Variants in ECE1 observed in about 807,000 individuals in gnomAD.
ECE1 encodes the protein endothelin-converting enzyme 1.
ECE1 carries 35 observed loss-of-function variants against 98.6 expected under a neutral mutation model. The ratio of observed to expected loss-of-function variants is 0.35; its 90% confidence interval spans 0.27 to 0.47. The LOEUF (loss-of-function observed/expected upper bound fraction) is 0.47, where lower values mean the gene tolerates loss of function less well. Among genes scored for constraint, ECE1 ranks in the 20% least tolerant of loss-of-function variants. The pLI, the probability that ECE1 is intolerant of heterozygous loss-of-function variation, is 1.00. For missense variants in ECE1, 814 were observed against 1,025.3 expected, an observed-to-expected ratio of 0.79 and a Z score of 2.81; for synonymous variants, 394 against 407.1, an observed-to-expected ratio of 0.97 and a Z score of 0.39.
At chr1:21,236,186 C>T (rs926571041) in intron 12 of ECE1, among the ~76,000 whole-genome samples, 23 of 152,290 alleles carry the variant, frequency 1.5e-4, no homozygotes, top group African/African-American at 4.6e-4. Flanking sequence ...AGAGCCTTCC[C>T]GACCCACGGG....
chr1:21,288,823 G>A (rs529422142), intron 2 of ECE1, among the ~76,000 whole-genome samples: 4 of 152,274 alleles, frequency 2.6e-5, no homozygotes, highest in African/African-American at 4.8e-5. Flanking sequence ...CTCGGTGACC[G>A]AAGGCCAGTG....
chr1:21,319,072 C>T lies in ECE1; in HGVS notation c.3+26304G>A, dbSNP rs1638904607. Among the ~76,000 whole-genome samples, 1 of 152,188 alleles carries T rather than the reference C, an allele frequency of 6.6e-6. No individual in the cohort carries two copies. The highest frequency in any genetic ancestry group is 1.5e-5 in the Non-Finnish European group (1 of 68,026). ...CAAAATAATAAAGTGAGGCCAGGCACGGTGGCTCAAGCTCGTAATCCAAGC... is the reference window on the plus strand; with the variant it reads ...CAAAATAATAAAGTGAGGCCAGGCATGGTGGCTCAAGCTCGTAATCCAAGC... On this transcript the variant is annotated intron_variant, in intron 1 of 18. Coordinates refer to the ECE1 transcript ENST00000415912. This position sits in a 1 kb window ranked among gnomAD's most constrained non-coding sequence, Gnocchi z 4.4.
At chr1:21,285,851 G>A (rs921723385) in intron 2 of ECE1, among the ~76,000 whole-genome samples, 3 of 151,976 alleles carry the variant, frequency 2.0e-5, no homozygotes, top group Admixed American at 2.0e-4. Context: ...AATTAGTCAC[G>A]CATGGTGGCG....
At chr1:21,305,187 A>T (rs1278553400) in intron 1 of ECE1, among the ~76,000 whole-genome samples, 2 of 152,226 alleles carry the variant, frequency 1.3e-5, no homozygotes, top group African/African-American at 4.8e-5. Flanking sequence ...CAGCATAGAC[A>T]CAGGCCGTTT....
At chr1:21,247,514 G>A (rs28367998) in intron 8 of ECE1, 151 bp from the exon 9 acceptor site, 31 of 1,173,842 alleles carry the variant, frequency 2.6e-5, no homozygotes, top group Non-Finnish European at 3.2e-5. Flanking sequence ...GGAGCCTGGC[G>A]GGCTTTTGTC....
chr1:21,296,592 C>T (rs1281290072), intron 1 of ECE1, among the ~76,000 whole-genome samples: 1 of 152,118 alleles, frequency 6.6e-6, no homozygotes, highest in Non-Finnish European at 1.5e-5. Context: ...TGACATTGCC[C>T]AGTTCTCAAG....
intron 1 of ECE1, chr1:21,298,999 T>C: frequency 2.5e-6 from 1 of 406,592 alleles, no homozygotes; most frequent in South Asian, 1.7e-5. Flanking sequence ...TGTGATGTCC[T>C]GGACTGTGTG....
chr1:21,323,291 C>CG (rs1347529375), intron 1 of ECE1, among the ~76,000 whole-genome samples: 1 of 152,028 alleles, frequency 6.6e-6, no homozygotes, highest in Non-Finnish European at 1.5e-5. Flanking sequence ...CTGGAACCGG[C>CG]GGGGGGAGGG....
rs777581287 is a variant in ECE1, at chr1:21,260,324, C to T, written c.562G>A (p.Glu188Lys). 16 of 1,614,142 alleles carry T rather than the reference C, an allele frequency of 9.9e-6. 1 individual carries two copies. Among genetic ancestry groups the T allele is most frequent in the African/African-American group, 8.0e-5 (6 of 74,950 alleles). ...AQVYYRACMN[E>K]TRIEELRAKP... ...GCCCTGAGCTCCTCGATCCTGGTCT[C>T]GTTCATGCACGCACGGTAGTATACT... The change falls in exon 5 of 19, where the codon GAG becomes AAG. Residue 188 changes from glutamate to lysine, a missense_variant. Around this residue, in one of 3 missense-constraint regions of ECE1, gnomAD observed 257 missense variants for 278.9 expected, o/e 0.92. Transcript: ENST00000374893. The surrounding 1 kb of genome is among the most constrained non-coding windows in gnomAD (Gnocchi z 4.3).
intron 4 of ECE1, among the ~76,000 whole-genome samples, chr1:21,264,564 C>G (rs1354161885): frequency 6.6e-6 from 1 of 152,186 alleles, no homozygotes; most frequent in African/African-American, 2.4e-5. Flanking sequence ...GTCTGCCTGT[C>G]TCGGCCTCCC....
At chr1:21,317,882 G>A (rs1028050932) in intron 1 of ECE1, among the ~76,000 whole-genome samples, 16 of 152,328 alleles carry the variant, frequency 1.1e-4, no homozygotes, top group African/African-American at 3.8e-4. Context: ...CGAAGGTGTG[G>A]GGTGCCAGTG....
In ECE1 at chr1:21,345,187, C is replaced by G. The variant is rs1639474867; in HGVS notation, c.3+189G>C. Reference sequence around the variant, plus strand: ...CCGACGGGACCAAGCGCAGCGCCGCCGGGAGAGCCGCGCTCTGCCCGGGCG... The same window carrying G: ...CCGACGGGACCAAGCGCAGCGCCGCGGGGAGAGCCGCGCTCTGCCCGGGCG... On this transcript the variant is annotated intron_variant, in intron 1 of 18. Transcript: ENST00000415912. This position sits in a 1 kb window ranked among gnomAD's most constrained non-coding sequence, Gnocchi z 5.1. The G allele has an allele frequency of 1.3e-6, 1 of 749,110 alleles. No homozygotes were observed. The allele number at this position is 749,110 out of a possible 1,614,324, so 46.4% of individuals were successfully genotyped here.
intron 11 of ECE1, 58 bp from the exon 12 acceptor site, chr1:21,236,902 C>G: frequency 1.4e-6 from 2 of 1,456,194 alleles, no homozygotes; most frequent in East Asian, 2.3e-5. Flanking sequence ...GTAAATGCAA[C>G]AGGCACCCCG....
chr1:21,285,747 T>G (rs902433162), intron 2 of ECE1, among the ~76,000 whole-genome samples: 1 of 145,746 alleles, frequency 6.9e-6, no homozygotes, highest in Non-Finnish European at 1.5e-5. Flanking sequence ...ATCCCAGCAC[T>G]TTGGAAGGCC....
At chr1:21,275,291 AG>A (rs1215845292) in intron 3 of ECE1, among the ~76,000 whole-genome samples, 4 of 152,132 alleles carry the variant, frequency 2.6e-5, no homozygotes, top group Admixed American at 2.6e-4. Context: ...ACAAGAAACT[AG>A]TCCCAGAAGT....
At chr1:21,320,427 AAT>A (rs953491447) in intron 1 of ECE1, among the ~76,000 whole-genome samples, 9 of 136,294 alleles carry the variant, frequency 6.6e-5, no homozygotes, top group African/African-American at 2.6e-4. Context: ...TTTTAAAAAA[AAT>A]TTAATACTGT....
At chr1:21,262,225 T>C (rs569158374) in intron 4 of ECE1, among the ~76,000 whole-genome samples, 26 of 152,200 alleles carry the variant, frequency 1.7e-4, no homozygotes, top group African/African-American at 4.8e-4. Flanking sequence ...CGAGGGGCTA[T>C]GGAGGGTTCG....
chr1:21,240,210 G>A (rs1409868270), intron 10 of ECE1, among the ~76,000 whole-genome samples: 3 of 148,874 alleles, frequency 2.0e-5, no homozygotes, highest in East Asian at 2.0e-4. Flanking sequence ...AAAAAAGGCC[G>A]GGATGGTGGC....
intron 1 of ECE1, among the ~76,000 whole-genome samples, chr1:21,329,936 C>T (rs1639160606): frequency 2.0e-5 from 3 of 152,130 alleles, no homozygotes; most frequent in Non-Finnish European, 4.4e-5. Flanking sequence ...CCTTGTAGGG[C>T]AGCAGGGCCA....
Sources: allele counts gnomAD v4.1 joint callset (sites outside exome capture counted in the v4.1 genomes callset), GRCh38; gene constraint gnomAD v4.1.1; regional missense constraint gnomAD v4.1.1; non-coding constraint Gnocchi (gnomAD v3.1); transcripts MANE v1.5; gene names NCBI Gene and HGNC (gene_info 2026-07-23, HGNC 2026-07-21).